CFAP92: variants seen among roughly 807,000 people sequenced by gnomAD.
CFAP92 encodes uncharacterized protein CFAP92.
A neutral mutation model predicts 106.3 loss-of-function variants in CFAP92; 86 were observed. The ratio of observed to expected loss-of-function variants is 0.81; its 90% CI spans 0.68 to 0.97. The LOEUF (loss-of-function observed/expected upper bound fraction) is 0.97. CFAP92 is among the 50% of genes least tolerant of loss of function. The pLI is 0.00. For synonymous variants in CFAP92, 477 were observed against 506.4 expected (o/e 0.94, Z 0.78); for missense variants, 1,204 against 1,283.8 (o/e 0.94, Z 0.95).
intron 12 of CFAP92, among the ~76,000 whole-genome samples, chr3:128,918,661 G>A (rs1027579160): frequency 2.6e-5 from 4 of 152,172 alleles, no homozygotes; most frequent in African/African-American, 2.4e-5. Flanking sequence ...GGTGGAGTGT[G>A]GGTAGGAGAT....
chr3:129,002,160 C>T (rs1437073850), intron 1 of CFAP92: 4 of 1,471,642 alleles, frequency 2.7e-6, no homozygotes, highest in African/African-American at 1.5e-5. Context: ...CCGCCTGCGC[C>T]GTCCGCGCCG....
At chr3:128,952,135 T>TC (rs1491244910) in intron 9 of CFAP92, among the ~76,000 whole-genome samples, 1 of 129,160 alleles carries the variant, frequency 7.7e-6, no homozygotes, top group African/African-American at 2.7e-5. Context: ...TTCTTCTTCT[T>TC]CTTTTTTTTT....
At chr3:128,965,423 G>A (rs72977154) in intron 9 of CFAP92, 88 bp downstream of exon 9, 1 of 398,074 alleles carries the variant, frequency 2.5e-6, no homozygotes, top group South Asian at 1.3e-4. Flanking sequence ...CTCATGTGGG[G>A]CCATCAGGAG....
At chr3:128,997,118 CA>C (rs1004134589), upstream of CFAP92, among the ~76,000 whole-genome samples, 26 of 152,184 alleles carry the variant, frequency 1.7e-4, no homozygotes, top group African/African-American at 6.3e-4. Flanking sequence ...GACAAGCATC[CA>C]GGGGCAGGAG....
intron 8 of CFAP92, chr3:128,970,368 C>T (rs1012000781): frequency 6.6e-6 from 1 of 152,170 alleles, no homozygotes; most frequent in Non-Finnish European, 1.5e-5. Context: ...CTCTGACTTA[C>T]GGGGTTTTTG....
At position 128,922,549 on chromosome 3, in the gene CFAP92, T is replaced by G. The variant is rs564472353; in HGVS notation, c.2752-6278A>C. Among the ~76,000 whole-genome samples, 3 of 152,282 alleles carry G rather than the reference T, an allele frequency of 2.0e-5. No homozygotes were observed. In the South Asian group the frequency reaches 6.2e-4, roughly 32 times the overall value. Reference sequence around the variant, plus strand: ...TCTGACAGAAGACCTATTTGTACAGTAACTATTCAGGGAAAGGATTTTGAA... The same window carrying G: ...TCTGACAGAAGACCTATTTGTACAGGAACTATTCAGGGAAAGGATTTTGAA... On this transcript the variant is annotated intron_variant, in intron 12 of 15. Coordinates refer to ENST00000645291, the MANE Select transcript of CFAP92 (RefSeq NM_001394090.1).
intron 10 of CFAP92, 32 bp downstream of exon 10, chr3:128,945,039 T>C: frequency 1.4e-6 from 2 of 1,471,940 alleles, no homozygotes; most frequent in Non-Finnish European, 1.8e-6. Context: ...GATGCCATCA[T>C]TTTTATGTAA....
At chr3:129,000,514 A>G (rs1443208689) in intron 1 of CFAP92, among the ~76,000 whole-genome samples, 2 of 152,208 alleles carry the variant, frequency 1.3e-5, no homozygotes, top group African/African-American at 2.4e-5. Flanking sequence ...CTCTTGCTCC[A>G]ACATGGCTGG....
chr3:129,002,541 C>A, intron 1 of CFAP92: 2 of 938,052 alleles, frequency 2.1e-6, no homozygotes, highest in South Asian at 2.4e-5. Context: ...TATTCCATTC[C>A]TGAAAACCCC....
intron 8 of CFAP92, chr3:128,970,278 A>G (rs1049932752): frequency 6.6e-6 from 1 of 152,086 alleles, no homozygotes. Flanking sequence ...AGTTAATAGC[A>G]CTTTCTCAAA....
intron 10 of CFAP92, among the ~76,000 whole-genome samples, chr3:128,943,537 C>CT (rs113886968): frequency 0.03 from 4,451 of 145,976 alleles, 110 homozygotes; most frequent in South Asian, 0.11. Flanking sequence ...TATTTCATTT[C>CT]TTTTTTTTTT....
At chr3:128,917,206 C>T (rs1576375961) in intron 12 of CFAP92, among the ~76,000 whole-genome samples, 1 of 152,276 alleles carries the variant, frequency 6.6e-6, no homozygotes, top group South Asian at 2.1e-4. Context: ...TGTCATGGCC[C>T]ACATGGAACT....
intron 11 of CFAP92, among the ~76,000 whole-genome samples, chr3:128,934,586 A>C (rs1938776820): frequency 6.6e-6 from 1 of 151,968 alleles, no homozygotes. Flanking sequence ...GCTGGAGTAC[A>C]GTGGCTCGGT....
At chr3:128,956,965 G>A (rs186215138) in intron 9 of CFAP92, among the ~76,000 whole-genome samples, 1 of 116,506 alleles carries the variant, frequency 8.6e-6, no homozygotes, top group African/African-American at 3.8e-5. Flanking sequence ...GGGTGACAGA[G>A]CCAGACTCTC....
At chr3:128,971,107 C>A (rs148740307) in intron 8 of CFAP92, 180 bp downstream of exon 8, 169 of 859,188 alleles carry the variant, frequency 2.0e-4, no homozygotes, top group Admixed American at 7.2e-4. Flanking sequence ...AAGGTAGCTA[C>A]CCTCTCTGGG....
At chr3:128,947,830 T>A (rs1208753112) in intron 9 of CFAP92, among the ~76,000 whole-genome samples, 1 of 151,646 alleles carries the variant, frequency 6.6e-6, no homozygotes, top group Non-Finnish European at 1.5e-5. Flanking sequence ...AATGAGATTC[T>A]GTCTCAAAAA....
At chr3:128,951,466 G>A (rs113074056) in intron 9 of CFAP92, among the ~76,000 whole-genome samples, 5,438 of 152,004 alleles carry the variant, frequency 0.036, 328 homozygotes, top group African/African-American at 0.12. Context: ...CACACTTCTA[G>A]TTCTACTAAG....
chr3:128,938,156 G>T (rs187555403), intron 10 of CFAP92, among the ~76,000 whole-genome samples: 2 of 151,022 alleles, frequency 1.3e-5, no homozygotes, highest in Non-Finnish European at 3.0e-5. Context: ...TGCTTGAGGT[G>T]GGGGGGTCAA....
chr3:128,965,428 CAGG>C, intron 9 of CFAP92, 80 bp downstream of exon 9: 1 of 398,330 alleles, frequency 2.5e-6, no homozygotes, highest in Non-Finnish European at 4.4e-6. Flanking sequence ...GTGGGGCCAT[CAGG>C]AGGACTAGAG....
Sources: gnomAD v4.1 joint callset for allele counts (sites outside exome capture counted in the v4.1 genomes callset) on GRCh38, gnomAD v4.1.1 for gene constraint, MANE v1.5 for transcripts, NCBI Gene and HGNC (gene_info 2026-07-23, HGNC 2026-07-21) for gene names.